The following EYS variants were observed in gnomAD, a reference collection of about 807,000 sequenced individuals.
The protein encoded by EYS is EGF-like photoreceptor maintenance factor.
In EYS, 250 loss-of-function variants were observed where a neutral mutation model predicts 282.1. That is an observed-to-expected ratio of 0.89 (90% confidence interval 0.80 to 0.98). The LOEUF is 0.98. Among genes scored for constraint, EYS ranks in the 50% least tolerant of loss-of-function variants. The pLI is 0.00. For missense variants in EYS, 4,016 were observed against 3,709.0 expected, an observed-to-expected ratio of 1.08 and a Z score of -2.15; for synonymous variants, 1,355 against 1,282.9, an observed-to-expected ratio of 1.06 and a Z score of -1.20.
At chr6:64,283,000 A>C (rs1768364435) in intron 30 of EYS, among the ~76,000 whole-genome samples, 1 of 152,198 alleles carries the variant, frequency 6.6e-6, no homozygotes, top group African/African-American at 2.4e-5. Context: ...AGTCATACTG[A>C]AATTGAAATT....
At chr6:65,595,025 C>A (rs1036507630) in intron 2 of EYS, among the ~76,000 whole-genome samples, 1 of 151,926 alleles carries the variant, frequency 6.6e-6, no homozygotes, top group Non-Finnish European at 1.5e-5. Context: ...TGGTCTGTAT[C>A]TCTGTTTTGG....
At chr6:63,921,748 C>A (rs1311586839) in intron 35 of EYS, among the ~76,000 whole-genome samples, 1 of 152,150 alleles carries the variant, frequency 6.6e-6, no homozygotes, top group African/African-American at 2.4e-5. Context: ...TTATTAGGAA[C>A]CCCAGTGGGT....
intron 26 of EYS, among the ~76,000 whole-genome samples, chr6:64,449,779 T>C (rs1340394174): frequency 3.9e-5 from 6 of 152,024 alleles, no homozygotes; most frequent in Non-Finnish European, 8.8e-5. Flanking sequence ...GAAGGAGAAA[T>C]AAAATACTTT....
intron 41 of EYS, among the ~76,000 whole-genome samples, chr6:63,752,958 C>G (rs1481144605): frequency 6.6e-6 from 1 of 151,752 alleles, no homozygotes; most frequent in Non-Finnish European, 1.5e-5. Context: ...AAACCCAAAG[C>G]TAGTTTTATG....
At chr6:64,731,565 C>T (rs1176558383) in intron 22 of EYS, among the ~76,000 whole-genome samples, 2 of 152,178 alleles carry the variant, frequency 1.3e-5, no homozygotes, top group African/African-American at 2.4e-5. Flanking sequence ...AAAAAAAGCT[C>T]ATCTTCACTG....
intron 12 of EYS, among the ~76,000 whole-genome samples, chr6:65,213,030 TA>T (rs996699003): frequency 4.6e-5 from 7 of 152,172 alleles, no homozygotes; most frequent in Admixed American, 3.3e-4. Context: ...TGTTTTTCTT[TA>T]TTTTTTTTTC....
At chr6:65,510,214 T>A (rs1482108749) in intron 2 of EYS, among the ~76,000 whole-genome samples, 1 of 130,486 alleles carries the variant, frequency 7.7e-6, no homozygotes, top group Non-Finnish European at 1.6e-5. Context: ...ATGTTCCCCT[T>A]CCTGTGTCCA....
intron 1 of EYS, among the ~76,000 whole-genome samples, chr6:65,703,544 G>A (rs1769761697): frequency 6.6e-6 from 1 of 151,420 alleles, no homozygotes; most frequent in East Asian, 1.9e-4. Context: ...ATTTGAATGA[G>A]CAAAGTGCAT....
intron 22 of EYS, among the ~76,000 whole-genome samples, chr6:64,764,383 C>A (rs1386157416): frequency 6.6e-6 from 1 of 152,250 alleles, no homozygotes; most frequent in Non-Finnish European, 1.5e-5. Flanking sequence ...CCTTTGAAGC[C>A]ACAGCCTGAG....
rs7770543 is a variant in EYS, at chr6:64,046,731, C to T, written c.6725+19607G>A. ...TAAACTTCATCCAGTCAGCACATCA[C>T]ACACTGATATTCACATTCGATTATA... is the stretch of plus-strand genomic sequence containing the variant. On this transcript the variant is annotated intron_variant, in intron 33 of 42. Transcript: ENST00000503581. 9.5e-3 allele frequency among the ~76,000 whole-genome samples: 1,445 copies of T among 152,294 alleles called. 28 individuals carry two copies. The highest frequency in any genetic ancestry group is 0.032 in the African/African-American group (1,343 of 41,554).
chr6:64,840,242 C>T lies in EYS; in HGVS notation c.2993-17420G>A, dbSNP rs537129788. Among the ~76,000 whole-genome samples the T allele has an allele frequency of 1.3e-4, 20 of 152,058 alleles. No homozygotes were observed. In the South Asian group the frequency reaches 2.3e-3, roughly 17 times the overall value. On this transcript the variant is annotated intron_variant, in intron 19 of 42. Transcript: ENST00000503581. ...TCATGGTGTTTAAAATGGTCACATA[C>T]TATTATTATTATCTAGGAATGGGGT...
intron 35 of EYS, among the ~76,000 whole-genome samples, chr6:63,910,558 C>T (rs9689077): frequency 0.032 from 4,906 of 152,204 alleles, 236 homozygotes; most frequent in African/African-American, 0.1. Context: ...GCTGTAATGC[C>T]GGTTTTCATG....
At chr6:65,216,625 G>A (rs1328563422) in intron 12 of EYS, among the ~76,000 whole-genome samples, 1 of 151,592 alleles carries the variant, frequency 6.6e-6, no homozygotes, top group Non-Finnish European at 1.5e-5. Flanking sequence ...TAACATATTA[G>A]CAGTAATTTC....
chr6:64,745,936 G>T (rs1259016808), intron 22 of EYS, among the ~76,000 whole-genome samples: 1 of 152,088 alleles, frequency 6.6e-6, no homozygotes, highest in African/African-American at 2.4e-5. Flanking sequence ...TCCTTAGGAA[G>T]TCCTTGAGTA....
chr6:65,439,459 T>C (rs997915995), intron 5 of EYS, among the ~76,000 whole-genome samples: 1 of 152,180 alleles, frequency 6.6e-6, no homozygotes, highest in Non-Finnish European at 1.5e-5. Flanking sequence ...TTTTTCATGA[T>C]ATTGATTCGT....
chr6:64,716,238 G>C (rs1013774745), intron 22 of EYS, among the ~76,000 whole-genome samples: 4 of 152,196 alleles, frequency 2.6e-5, no homozygotes, highest in African/African-American at 9.6e-5. Context: ...CCAGAAAGCA[G>C]TCAAGTCATG....
intron 41 of EYS, among the ~76,000 whole-genome samples, chr6:63,740,136 G>T (rs1769036513): frequency 1.3e-5 from 2 of 152,142 alleles, no homozygotes; most frequent in Admixed American, 1.3e-4. Flanking sequence ...TATTCCAGAT[G>T]TTAATTAAGA....
chr6:64,940,172 T>C (rs2150092332), intron 15 of EYS, among the ~76,000 whole-genome samples: 1 of 152,094 alleles, frequency 6.6e-6, no homozygotes, highest in South Asian at 2.1e-4. Flanking sequence ...CAAGCTCAAG[T>C]CGGTAAGTCC....
At chr6:64,989,282 C>A (rs906382602) in intron 14 of EYS, among the ~76,000 whole-genome samples, 2 of 149,536 alleles carry the variant, frequency 1.3e-5, no homozygotes, top group Non-Finnish European at 3.0e-5. Context: ...AAAGAGCACA[C>A]TACAAAATTT....
Sources: gnomAD v4.1 joint callset for allele counts (sites outside exome capture counted in the v4.1 genomes callset) on GRCh38, gnomAD v4.1.1 for gene constraint, MANE v1.5 for transcripts, NCBI Gene and HGNC (gene_info 2026-07-23, HGNC 2026-07-21) for gene names.